Variants in TSHZ1 observed in about 807,000 individuals in gnomAD.
The protein encoded by TSHZ1 is teashirt homolog 1.
In TSHZ1, 12 loss-of-function variants were observed where a neutral mutation model predicts 67.1. The observed-to-expected ratio is 0.18, with a 90% CI of 0.11 to 0.29. TSHZ1 has a LOEUF of 0.29. Among genes scored for constraint, TSHZ1 ranks in the 10% least tolerant of loss-of-function variants. TSHZ1 has a pLI of 1.00. For missense variants in TSHZ1, 1,305 were observed against 1,413.9 expected, an observed-to-expected ratio of 0.92 and a Z score of 1.23; for synonymous variants, 632 against 622.4, an observed-to-expected ratio of 1.02 and a Z score of -0.23.
intron 1 of TSHZ1, among the ~76,000 whole-genome samples, chr18:75,230,013 T>A (rs1405542513): frequency 2.0e-5 from 3 of 152,208 alleles, no homozygotes; most frequent in Non-Finnish European, 4.4e-5. Flanking sequence ...TACCAAGACA[T>A]CCTCTCAATC....
intron 1 of TSHZ1, among the ~76,000 whole-genome samples, chr18:75,260,422 A>G (rs941713172): frequency 6.6e-6 from 1 of 152,244 alleles, no homozygotes; most frequent in Non-Finnish European, 1.5e-5. Flanking sequence ...GACAGTCTTC[A>G]TCTTGTATTC....
intron 1 of TSHZ1, among the ~76,000 whole-genome samples, chr18:75,266,034 C>T (rs1188176817): frequency 1.3e-5 from 2 of 152,170 alleles, no homozygotes; most frequent in East Asian, 3.8e-4. Context: ...GCACAGAGAC[C>T]TGCACTGCTC....
intron 1 of TSHZ1, among the ~76,000 whole-genome samples, chr18:75,238,976 G>A (rs1298142909): frequency 1.3e-5 from 2 of 152,182 alleles, no homozygotes; most frequent in African/African-American, 4.8e-5. Flanking sequence ...GCACTGTCCA[G>A]CTTCCCCTCT....
At chr18:75,250,629 G>C (rs1184915365) in intron 1 of TSHZ1, among the ~76,000 whole-genome samples, 1 of 152,246 alleles carries the variant, frequency 6.6e-6, no homozygotes, top group Non-Finnish European at 1.5e-5. Flanking sequence ...CCTGGAAACT[G>C]AGCCCGGGAA....
chr18:75,266,446 G>A (rs2023491691), intron 1 of TSHZ1, among the ~76,000 whole-genome samples: 1 of 152,186 alleles, frequency 6.6e-6, no homozygotes, highest in African/African-American at 2.4e-5. Flanking sequence ...GAGATTCGAG[G>A]AGGGGTGGGT....
chr18:75,235,164 C>T (rs2023051657), intron 1 of TSHZ1, among the ~76,000 whole-genome samples: 1 of 151,840 alleles, frequency 6.6e-6, no homozygotes. Context: ...AATCACGCTG[C>T]CTTAAATCCT....
At chr18:75,231,453 T>C (rs1012752802) in intron 1 of TSHZ1, among the ~76,000 whole-genome samples, 1 of 152,240 alleles carries the variant, frequency 6.6e-6, no homozygotes, top group Non-Finnish European at 1.5e-5. Context: ...TCATTAGCAT[T>C]GTTGACCCCA....
At chr18:75,264,315 G>A (rs1257337754) in intron 1 of TSHZ1, among the ~76,000 whole-genome samples, 1 of 152,088 alleles carries the variant, frequency 6.6e-6, no homozygotes, top group Non-Finnish European at 1.5e-5. Context: ...TACCCTTAAC[G>A]GGAATAGTAA....
At chr18:75,214,220 C>G (rs1464519476) in intron 1 of TSHZ1, among the ~76,000 whole-genome samples, 1 of 152,214 alleles carries the variant, frequency 6.6e-6, no homozygotes, top group Non-Finnish European at 1.5e-5. Context: ...GGAATTACTT[C>G]CATTAACACA....
intron 1 of TSHZ1, 71 bp downstream of exon 1, chr18:75,211,987 C>A: frequency 8.7e-7 from 1 of 1,144,502 alleles, no homozygotes; most frequent in Non-Finnish European, 1.1e-6. Context: ...CTTCGCGGGC[C>A]GAGGTGCGGG....
chr18:75,216,477 G>T (rs1421817045), intron 1 of TSHZ1, among the ~76,000 whole-genome samples: 2 of 152,156 alleles, frequency 1.3e-5, no homozygotes, highest in Non-Finnish European at 2.9e-5. Flanking sequence ...TTAATGTATT[G>T]GGGAGGGGAA....
intron 1 of TSHZ1, among the ~76,000 whole-genome samples, chr18:75,262,028 G>A (rs1440202632): frequency 6.6e-6 from 1 of 152,166 alleles, no homozygotes; most frequent in Non-Finnish European, 1.5e-5. Flanking sequence ...GCAGGGGGAA[G>A]CTGCTGGTTT....
chr18:75,225,741 C>T (rs1223094855), intron 1 of TSHZ1, among the ~76,000 whole-genome samples: 1 of 152,082 alleles, frequency 6.6e-6, no homozygotes, highest in Non-Finnish European at 1.5e-5. Flanking sequence ...GACTATATCT[C>T]GGTGGCGGGT....
Position 75,286,591 on chromosome 18 carries a change from G to A in TSHZ1, c.1184G>A (p.Arg395His), listed in dbSNP as rs748622384. 4.3e-6 allele frequency: 7 copies of A among 1,614,208 alleles called. No individual in the cohort carries two copies. The highest frequency in any genetic ancestry group is 1.3e-5 in the African/African-American group (1 of 75,066). ...AANPYVTPNN[R>H]YGYQNGASYT... Reference sequence around the variant, plus strand: ...AACCCGTACGTCACGCCCAATAACCGCTATGGCTACCAGAATGGCGCCAGC... The same window carrying A: ...AACCCGTACGTCACGCCCAATAACCACTATGGCTACCAGAATGGCGCCAGC... Residue 395 changes from arginine to histidine, a missense_variant, in exon 2 of 2, where the codon CGC (arginine) becomes CAC (histidine). Physicochemically the swap from Arg to His is conservative, Grantham distance 29. This residue lies in a region of TSHZ1 where 909 missense variants were observed against 961.8 expected (regional missense o/e 0.95). Transcript: ENST00000580243. The surrounding 1 kb of genome is among the most constrained non-coding windows in gnomAD (Gnocchi z 5.1).
rs368493991 is a variant in TSHZ1 at position 75,260,823 on chromosome 18, C to G, written c.41-24625C>G. On this transcript the variant is annotated intron_variant, in intron 1 of 1. Coordinates refer to ENST00000580243, the MANE Select transcript of TSHZ1 (RefSeq NM_001308210.2). ...AGCTTATGGCCGTGGTGGTGATATA[C>G]CAGGGAAGCCTTACCTCTCCAAGTT... Among the ~76,000 whole-genome samples, 9 of 152,162 alleles carry G rather than the reference C, an allele frequency of 5.9e-5. No homozygotes were observed. The South Asian group carries it at 1.9e-3, about 32-fold the overall frequency.
At position 75,288,087 on chromosome 18, in the gene TSHZ1, C is replaced by G. The variant is rs750897447; in HGVS notation, c.2680C>G (p.Pro894Ala). The change falls in exon 2 of 2, where the codon CCG becomes GCG. Residue 894 changes from proline to alanine, a missense_variant. By Grantham distance (27) the Pro-to-Ala change is conservative. Around this residue, in one of 3 missense-constraint regions of TSHZ1, gnomAD observed 909 missense variants for 961.8 expected, o/e 0.95. Coordinates refer to ENST00000580243, the MANE Select transcript of TSHZ1 (RefSeq NM_001308210.2). This position sits in a 1 kb window ranked among gnomAD's most constrained non-coding sequence, Gnocchi z 4.9. ...GAAGGGCCGGCAGTCCAACTGGAACCCGCAGCACCTTCTCATCCTGCAGGC... is the reference window on the plus strand; with the variant it reads ...GAAGGGCCGGCAGTCCAACTGGAACGCGCAGCACCTTCTCATCCTGCAGGC... ...KRKGRQSNWN[P>A]QHLLILQAQF... 1.2e-6 allele frequency: 2 copies of G among 1,613,572 alleles called. No individual in the cohort carries two copies. The highest frequency in any genetic ancestry group is 1.1e-5 in the South Asian group (1 of 91,078).
rs748602612 is a variant in TSHZ1, at chr18:75,288,671, T to C, written c.*30T>C. The stretch of plus-strand genomic sequence containing the variant: ...CAGGTATGCAAGAGACCGCGGAACA[T>C]TGCACTAAACGTCGTCGAGCTGCAC... On this transcript the variant is annotated 3_prime_UTR_variant, in exon 2 of 2. Coordinates refer to ENST00000580243, the MANE Select transcript of TSHZ1 (RefSeq NM_001308210.2). This position sits in a 1 kb window ranked among gnomAD's most constrained non-coding sequence, Gnocchi z 4.9. 6.5e-7 allele frequency: 1 copy of C among 1,544,370 alleles called. No homozygotes were observed. The highest frequency in any genetic ancestry group is 8.7e-7 in the Non-Finnish European group (1 of 1,147,142).
chr18:75,236,092 T>C (rs981745088), intron 1 of TSHZ1, among the ~76,000 whole-genome samples: 6 of 152,106 alleles, frequency 3.9e-5, no homozygotes, highest in African/African-American at 1.4e-4. Context: ...GAAGCGTGCA[T>C]GATAGGAAGT....
At chr18:75,246,403 G>GGTGTGTGTGTGTATGTGTGTGTGT (rs2023222968) in intron 1 of TSHZ1, among the ~76,000 whole-genome samples, 1 of 108,372 alleles carries the variant, frequency 9.2e-6, no homozygotes, top group Non-Finnish European at 1.9e-5. Flanking sequence ...TTTGGTTTCT[G>GGTGTGTGTGTGTATGTGTGTGTGT]GTGTGTGTGT....
Sources: allele counts gnomAD v4.1 joint callset (sites outside exome capture counted in the v4.1 genomes callset), GRCh38; gene constraint gnomAD v4.1.1; regional missense constraint gnomAD v4.1.1; non-coding constraint Gnocchi (gnomAD v3.1); transcripts MANE v1.5; gene names NCBI Gene and HGNC (gene_info 2026-07-23, HGNC 2026-07-21).